The following SNAP91 variants were observed in gnomAD, a reference collection of about 807,000 sequenced individuals.
SNAP91 encodes the protein synaptosome associated protein 91.
Under a neutral mutation model 100.3 loss-of-function variants are expected in SNAP91, and 27 were observed. That is an observed-to-expected ratio of 0.27 (90% CI 0.20 to 0.37). The LOEUF is 0.37. SNAP91 is among the 10% of genes least tolerant of loss of function. The pLI, the probability that SNAP91 is intolerant of heterozygous loss-of-function variation, is 1.00. For synonymous variants in SNAP91, 404 were observed against 398.6 expected, an observed-to-expected ratio of 1.01 and a Z score of -0.16; for missense variants, 986 against 1,123.7, an observed-to-expected ratio of 0.88 and a Z score of 1.75.
chr6:83,676,539 C>T (rs1243298707), intron 2 of SNAP91, among the ~76,000 whole-genome samples: 1 of 152,072 alleles, frequency 6.6e-6, no homozygotes, highest in Non-Finnish European at 1.5e-5. Flanking sequence ...CTGATGGATT[C>T]AAGAAAGAAC....
chr6:83,572,528 A>T (rs1810071678), intron 26 of SNAP91, among the ~76,000 whole-genome samples: 1 of 152,172 alleles, frequency 6.6e-6, no homozygotes, highest in Non-Finnish European at 1.5e-5. Flanking sequence ...CTGGGATTAC[A>T]GGCATGAGCC....
intron 26 of SNAP91, among the ~76,000 whole-genome samples, chr6:83,567,978 A>C (rs1049628470): frequency 1.3e-5 from 2 of 151,870 alleles, no homozygotes; most frequent in Non-Finnish European, 2.9e-5. Context: ...CATTTGACCC[A>C]GCCATCCCAT....
At chr6:83,585,330 G>A (rs532912613) in intron 22 of SNAP91, among the ~76,000 whole-genome samples, 2 of 152,094 alleles carry the variant, frequency 1.3e-5, no homozygotes, top group East Asian at 1.9e-4. Flanking sequence ...TCAATATAGC[G>A]AGACCTCATT....
At chr6:83,604,077 T>A (rs1437917979) in intron 14 of SNAP91, among the ~76,000 whole-genome samples, 1 of 152,202 alleles carries the variant, frequency 6.6e-6, no homozygotes, top group Non-Finnish European at 1.5e-5. Context: ...GTGCCAAAAT[T>A]TTTTAAAAAA....
intron 8 of SNAP91, among the ~76,000 whole-genome samples, chr6:83,639,344 C>A (rs1056549496): frequency 2.6e-5 from 4 of 151,890 alleles, no homozygotes; most frequent in Non-Finnish European, 5.9e-5. Flanking sequence ...CATTGTGTGT[C>A]CAAATTATGA....
intron 8 of SNAP91, 127 bp from the exon 9 acceptor site, chr6:83,623,469 A>T: frequency 1.5e-6 from 1 of 677,978 alleles, no homozygotes; most frequent in Non-Finnish European, 2.6e-6. Flanking sequence ...TTTATGTATC[A>T]CTCTCACTTG....
intron 24 of SNAP91, 35 bp from the exon 25 acceptor site, chr6:83,576,088 T>C: frequency 9.1e-7 from 1 of 1,094,564 alleles, no homozygotes; most frequent in Non-Finnish European, 1.3e-6. Flanking sequence ...AATGTAAATC[T>C]CTACACTCAG....
At position 83,574,944 on chromosome 6, in the gene SNAP91, C is replaced by T. The variant is rs575075360; in HGVS notation, c.2442+66G>A. The T allele has an allele frequency of 3.0e-5, 31 of 1,027,474 alleles. No homozygotes were observed. In the African/African-American group the frequency reaches 3.6e-4, roughly 12 times the overall value. 63.6% of individuals were successfully genotyped at this position (1,027,474 alleles called of 1,614,324 possible). On this transcript the variant is annotated intron_variant, in intron 26 of 29. Transcript: ENST00000369694. ...TCGGCAGCAAAGTTAGCAAAATGCA[C>T]GCTACTTTACACACTTGGAAACTGG...
At chr6:83,586,054 T>C (rs915756766) in intron 22 of SNAP91, among the ~76,000 whole-genome samples, 1 of 152,084 alleles carries the variant, frequency 6.6e-6, no homozygotes, top group Non-Finnish European at 1.5e-5. Context: ...TTCACCATGT[T>C]GGCCAGGATG....
chr6:83,646,591 T>C (rs926698007), intron 7 of SNAP91, among the ~76,000 whole-genome samples: 2 of 152,180 alleles, frequency 1.3e-5, no homozygotes, highest in African/African-American at 2.4e-5. Flanking sequence ...TACCACAATA[T>C]CTTGATTACT....
intron 10 of SNAP91, among the ~76,000 whole-genome samples, chr6:83,616,139 A>G (rs2096473081): frequency 6.6e-6 from 1 of 152,208 alleles, no homozygotes; most frequent in African/African-American, 2.4e-5. Context: ...CACAATACTG[A>G]GCAGTTCAAG....
rs1392354468 is a variant in SNAP91 at position 83,617,054 on chromosome 6, T to C, written c.808-15A>G. On this transcript the variant is annotated splice_polypyrimidine_tract_variant and intron_variant, in intron 9 of 29. Coordinates refer to ENST00000369694, the MANE Select transcript of SNAP91 (RefSeq NM_001242792.2). ...CTGCTGGGAGCCTACAATAAGAAAG[T>C]AAAAATAAATGTCTGCATTGTTTAC... is the stretch of plus-strand genomic sequence containing the variant. 6.7e-7 allele frequency: 1 copy of C among 1,502,952 alleles called. No individual in the cohort carries two copies. Among genetic ancestry groups the C allele is most frequent in the Non-Finnish European group, 9.0e-7 (1 of 1,110,796 alleles). The allele number at this position is 1,502,952 out of a possible 1,614,324, so 93.1% of individuals were successfully genotyped here.
chr6:83,657,647 G>T (rs987267527), intron 6 of SNAP91, among the ~76,000 whole-genome samples: 1 of 152,084 alleles, frequency 6.6e-6, no homozygotes, highest in African/African-American at 2.4e-5. Flanking sequence ...GAGATGCTAA[G>T]TTACTAAAAT....
intron 2 of SNAP91, among the ~76,000 whole-genome samples, chr6:83,666,859 G>A (rs1461981493): frequency 6.6e-6 from 1 of 151,882 alleles, no homozygotes; most frequent in Non-Finnish European, 1.5e-5. Context: ...AGTCCCATGT[G>A]GCCTTCCTGT....
intron 12 of SNAP91, 80 bp downstream of exon 12, chr6:83,610,570 G>A (rs1195749807): frequency 2.1e-6 from 1 of 477,470 alleles, no homozygotes; most frequent in Non-Finnish European, 3.8e-6. Context: ...GGTATATAAT[G>A]CCACTGAACT....
chr6:83,564,245 A>AT (rs1793119181), intron 26 of SNAP91, among the ~76,000 whole-genome samples: 1 of 152,058 alleles, frequency 6.6e-6, no homozygotes, highest in South Asian at 2.1e-4. Context: ...ATCCAGCCCA[A>AT]TATGTCAGAC....
intron 7 of SNAP91, among the ~76,000 whole-genome samples, chr6:83,645,866 T>C (rs2097897838): frequency 6.6e-6 from 1 of 152,142 alleles, no homozygotes; most frequent in African/African-American, 2.4e-5. Context: ...CAATGATCTT[T>C]TTTACTGTCT....
At chr6:83,633,248 T>A (rs1729368787) in intron 8 of SNAP91, among the ~76,000 whole-genome samples, 1 of 152,214 alleles carries the variant, frequency 6.6e-6, no homozygotes, top group African/African-American at 2.4e-5. Flanking sequence ...TCTGTGGGTC[T>A]CTCAGCCATG....
chr6:83,635,503 C>G (rs1374529671), intron 8 of SNAP91, among the ~76,000 whole-genome samples: 1 of 152,138 alleles, frequency 6.6e-6, no homozygotes, highest in Non-Finnish European at 1.5e-5. Context: ...ACAAGAGCAA[C>G]AACCTCTGTC....
Sources: allele counts gnomAD v4.1 joint callset (sites outside exome capture counted in the v4.1 genomes callset), GRCh38; gene constraint gnomAD v4.1.1; transcripts MANE v1.5; gene names NCBI Gene and HGNC (gene_info 2026-07-23, HGNC 2026-07-21).